MRC2: variants seen among roughly 807,000 people sequenced by gnomAD.
The protein encoded by MRC2 is mannose receptor C-type 2.
MRC2 carries 84 observed loss-of-function variants against 206.2 expected under a neutral mutation model. The ratio of observed to expected loss-of-function variants is 0.41; its 90% CI spans 0.34 to 0.49. The LOEUF is 0.49. MRC2 is among the 20% of genes least tolerant of loss of function. MRC2 has a pLI of 0.31. For synonymous variants in MRC2, 798 were observed against 800.0 expected (o/e 1.00, Z 0.04); for missense variants, 1,676 against 2,001.5 (o/e 0.84, Z 3.10).
At chr17:62,635,977 C>T (rs1463488076) in intron 1 of MRC2, among the ~76,000 whole-genome samples, 2 of 151,646 alleles carry the variant, frequency 1.3e-5, no homozygotes, top group Non-Finnish European at 2.9e-5. Context: ...TTAGTAGAGA[C>T]AGGGTTTCAC....
chr17:62,681,236 T>C, intron 18 of MRC2, 107 bp downstream of exon 18: 1 of 1,346,986 alleles, frequency 7.4e-7, no homozygotes, highest in Non-Finnish European at 1.0e-6. Context: ...CCTTGCTGGC[T>C]GTGTGGCCTT....
Position 62,627,686 on chromosome 17 carries a change from C to A in MRC2, c.-117C>A. ...CCGGGAGGCATCACTTCGTCCCGAC[C>A]CGGAGGAGGACGCGAGCCCCTTGCG... is the stretch of plus-strand genomic sequence containing the variant. On this transcript the variant is annotated 5_prime_UTR_variant, in exon 1 of 30. Transcript: ENST00000303375. 1 of 711,782 alleles carries A rather than the reference C, an allele frequency of 1.4e-6. No individual in the cohort carries two copies. The highest frequency in any genetic ancestry group is 2.0e-6 in the Non-Finnish European group (1 of 494,652). 44.1% of individuals were successfully genotyped at this position (711,782 alleles called of 1,614,324 possible).
intron 18 of MRC2, 154 bp downstream of exon 18, chr17:62,681,283 T>G (rs2088963285): frequency 1.2e-6 from 1 of 869,560 alleles, no homozygotes; most frequent in South Asian, 1.8e-5. Flanking sequence ...CTTGGTTTTC[T>G]CATCTGAAAA....
In MRC2 at chr17:62,692,737, AG is replaced by A. The variant is rs1469215638; in HGVS notation, c.*291del. The A allele has an allele frequency of 7.7e-6, 3 of 390,844 alleles. No homozygotes were observed. The highest frequency in any genetic ancestry group is 9.4e-5 in the East Asian group (2 of 21,248). 24.2% of individuals were successfully genotyped at this position (390,844 alleles called of 1,614,324 possible). A position where few individuals can be genotyped will look rare whatever the true frequency, so the allele number is the denominator to read the frequency against. ...CCACAGGAACCAGAGGTAGGATGGG[AG>A]GGGGAACGAGAGCCTCTTTCTCCCC... is the stretch of plus-strand genomic sequence containing the variant. On this transcript the variant is annotated 3_prime_UTR_variant, in exon 30 of 30. Transcript: ENST00000303375. The surrounding 1 kb of genome is among the most constrained non-coding windows in gnomAD (Gnocchi z 4.2).
At position 62,692,801 on chromosome 17, in the gene MRC2, G is replaced by C; in HGVS notation, c.*350G>C. 1 of 269,352 alleles carries C rather than the reference G, an allele frequency of 3.7e-6. No individual in the cohort carries two copies. The allele number at this position is 269,352 out of a possible 1,614,324, so 16.7% of individuals were successfully genotyped here. On this transcript the variant is annotated 3_prime_UTR_variant, in exon 30 of 30. Transcript: ENST00000303375. This position sits in a 1 kb window ranked among gnomAD's most constrained non-coding sequence, Gnocchi z 4.2. ...CCAGGCCTGTTGATCCGCGCCCCAGGACCCCCTTCTTTGCAGAGCCCGAGG... is the reference window on the plus strand; with the variant it reads ...CCAGGCCTGTTGATCCGCGCCCCAGCACCCCCTTCTTTGCAGAGCCCGAGG...
At position 62,664,861 on chromosome 17, in the gene MRC2, T is replaced by A; in HGVS notation, c.432T>A (p.Pro144=). ...LGARTSNISK[P]GTLERGDQTR... ...CCCGCACCAGCAACATATCCAAGCC[T>A]GGCACCCTTGAGCGTGGTGACCAGA... The change falls in exon 2 of 30, where the codon CCT becomes CCA. Residue 144 remains proline, a synonymous_variant. Transcript: ENST00000303375. The surrounding 1 kb of genome is among the most constrained non-coding windows in gnomAD (Gnocchi z 4.7). 1 of 1,613,780 alleles carries A rather than the reference T, an allele frequency of 6.2e-7. No homozygotes were observed. The highest frequency in any genetic ancestry group is 8.5e-7 in the Non-Finnish European group (1 of 1,180,026).
chr17:62,677,141 C>T, intron 11 of MRC2, 128 bp from the exon 12 acceptor site: 1 of 713,776 alleles, frequency 1.4e-6, no homozygotes, highest in Non-Finnish European at 2.3e-6. Flanking sequence ...CCCCAGAGAG[C>T]ATGTCTCTGA....
chr17:62,680,513 GT>G lies in MRC2; in HGVS notation c.2473+61del. The G allele has an allele frequency of 6.2e-7, 1 of 1,604,674 alleles. No individual in the cohort carries two copies. The highest frequency in any genetic ancestry group is 8.5e-7 in the Non-Finnish European group (1 of 1,172,940). ...CGTGGGAGAGGGCGTCAACTCTGGG[GT>G]AAGTCCCGAGAGGCCTGAATGAAAT... is the stretch of plus-strand genomic sequence containing the variant. On this transcript the variant is annotated intron_variant, in intron 16 of 29. Transcript: ENST00000303375. This position sits in a 1 kb window ranked among gnomAD's most constrained non-coding sequence, Gnocchi z 4.8.
In MRC2 at chr17:62,667,321, A is replaced by G. The variant is rs1192163026; in HGVS notation, c.974-69A>G. 13 of 1,508,866 alleles carry G rather than the reference A, an allele frequency of 8.6e-6. No homozygotes were observed. Among genetic ancestry groups the G allele is most frequent in the African/African-American group, 2.8e-5 (2 of 71,368 alleles). 93.5% of individuals were successfully genotyped at this position (1,508,866 alleles called of 1,614,324 possible). The stretch of plus-strand genomic sequence containing the variant: ...GAGCAGAGGGAGGTAGGAGGTTCTG[A>G]GCAGGGCCCCGGGAGCCACGGTGTG... On this transcript the variant is annotated intron_variant, in intron 5 of 29. Transcript: ENST00000303375. This position sits in a 1 kb window ranked among gnomAD's most constrained non-coding sequence, Gnocchi z 4.1.
At chr17:62,673,385 A>G (rs2088850624) in intron 8 of MRC2, among the ~76,000 whole-genome samples, 1 of 152,216 alleles carries the variant, frequency 6.6e-6, no homozygotes, top group African/African-American at 2.4e-5. Context: ...CCCTGCAGGC[A>G]CTAGCTAGAC....
chr17:62,675,302 G>T lies in MRC2; in HGVS notation c.1570-488G>T, dbSNP rs2088877325. ...GCCTTGGCTCCTGCCAGCCTCGCCT[G>T]CCAGGGTCTCGTCTCTGAGCCCCTC... is the stretch of plus-strand genomic sequence containing the variant. On this transcript the variant is annotated intron_variant, in intron 9 of 29. Coordinates refer to ENST00000303375, the MANE Select transcript of MRC2 (RefSeq NM_006039.5). This position sits in a 1 kb window ranked among gnomAD's most constrained non-coding sequence, Gnocchi z 4.1. 6.6e-6 allele frequency among the ~76,000 whole-genome samples: 1 copy of T among 152,148 alleles called. No individual in the cohort carries two copies. The highest frequency in any genetic ancestry group is 6.5e-5 in the Admixed American group (1 of 15,282).
In MRC2 at chr17:62,652,690, TTGAG is replaced by T. The variant is rs2088570030; in HGVS notation, c.119-11857_119-11854del. 1.3e-5 allele frequency among the ~76,000 whole-genome samples: 2 copies of T among 148,518 alleles called. No individual in the cohort carries two copies. Among genetic ancestry groups the T allele is most frequent in the African/African-American group, 5.0e-5 (2 of 39,964 alleles). Reference sequence around the variant, plus strand: ...GCGGCGGAGCGGGAAGTGCCACAGATTGAGGGGCGCACGGCGGTGGAGGGAGGGG... The same window carrying T: ...GCGGCGGAGCGGGAAGTGCCACAGATGGGCGCACGGCGGTGGAGGGAGGGG... On this transcript the variant is annotated intron_variant, in intron 1 of 29. Coordinates refer to ENST00000303375, the MANE Select transcript of MRC2 (RefSeq NM_006039.5). This position sits in a 1 kb window ranked among gnomAD's most constrained non-coding sequence, Gnocchi z 4.6.
chr17:62,627,709 G>T lies in MRC2; in HGVS notation c.-94G>T. The T allele has an allele frequency of 1.1e-6, 1 of 924,030 alleles. No individual in the cohort carries two copies. Among genetic ancestry groups the T allele is most frequent in the South Asian group, 2.8e-5 (1 of 35,450 alleles). The allele number at this position is 924,030 out of a possible 1,614,324, so 57.2% of individuals were successfully genotyped here. A position where few individuals can be genotyped will look rare whatever the true frequency, so the allele number is the denominator to read the frequency against. On this transcript the variant is annotated 5_prime_UTR_variant, in exon 1 of 30. Coordinates refer to ENST00000303375, the MANE Select transcript of MRC2 (RefSeq NM_006039.5). ...ACCCGGAGGAGGACGCGAGCCCCTT[G>T]CGGGCGGTCATCACAGCCCAGCCTC...
rs202195891 is a variant in MRC2 at position 62,667,579 on chromosome 17, C to T, written c.1117+46C>T. 5 of 1,557,874 alleles carry T rather than the reference C, an allele frequency of 3.2e-6. No homozygotes were observed. In the African/African-American group the frequency reaches 4.2e-5, roughly 13 times the overall value. ...CAGGGTGGGGAGGGGCTCCCAGGGC[C>T]AGGGACACAGCCACAGAGCCGTGGC... is the stretch of plus-strand genomic sequence containing the variant. On this transcript the variant is annotated intron_variant, in intron 6 of 29. Transcript: ENST00000303375. The surrounding 1 kb of genome is among the most constrained non-coding windows in gnomAD (Gnocchi z 4.1).
At chr17:62,661,156 A>G (rs528158725) in intron 1 of MRC2, among the ~76,000 whole-genome samples, 2 of 152,356 alleles carry the variant, frequency 1.3e-5, no homozygotes, top group East Asian at 3.9e-4. Context: ...CGACTTGAGC[A>G]AGGTGGAGTA....
chr17:62,635,352 CT>C (rs1488901638), intron 1 of MRC2, among the ~76,000 whole-genome samples: 2 of 152,100 alleles, frequency 1.3e-5, no homozygotes, highest in Non-Finnish European at 1.5e-5. Context: ...GTCCTACCCC[CT>C]AAAGCCCCTC....
chr17:62,655,259 C>T (rs1330278897), intron 1 of MRC2, among the ~76,000 whole-genome samples: 1 of 149,744 alleles, frequency 6.7e-6, no homozygotes, highest in African/African-American at 2.5e-5. Context: ...GCACTCCAGG[C>T]TGGGCAACAG....
chr17:62,688,466 C>G, intron 21 of MRC2, 35 bp from the exon 22 acceptor site: 1 of 1,614,148 alleles, frequency 6.2e-7, no homozygotes, highest in South Asian at 1.1e-5. Flanking sequence ...ATAGCTATAG[C>G]AGAGTCACTC....
intron 1 of MRC2, 75 bp downstream of exon 1, chr17:62,627,995 T>A: frequency 1.1e-6 from 1 of 929,784 alleles, no homozygotes; most frequent in South Asian, 2.2e-5. Context: ...CTCTCGACTT[T>A]TCCCTCCTTT....
Sources: allele counts gnomAD v4.1 joint callset (sites outside exome capture counted in the v4.1 genomes callset), GRCh38; gene constraint gnomAD v4.1.1; non-coding constraint Gnocchi (gnomAD v3.1); transcripts MANE v1.5; gene names NCBI Gene and HGNC (gene_info 2026-07-23, HGNC 2026-07-21).